The following MYBPC1 variants were observed in gnomAD, a reference collection of about 807,000 sequenced individuals.
The protein encoded by MYBPC1 is myosin-binding protein C, slow-type.
MYBPC1 carries 52 observed loss-of-function variants against 147.1 expected under a neutral mutation model. The observed-to-expected ratio is 0.35, with a 90% CI of 0.28 to 0.45. The LOEUF (loss-of-function observed/expected upper bound fraction) is 0.45. Ranked by LOEUF, MYBPC1 falls within the 20% of genes least tolerant of loss-of-function variation. The pLI is 1.00. For missense variants in MYBPC1, 1,228 were observed against 1,440.3 expected (o/e 0.85, Z 2.39); for synonymous variants, 477 against 475.9 (o/e 1.00, Z -0.03).
intron 6 of MYBPC1, 124 bp from the exon 7 acceptor site, chr12:101,631,447 A>G: frequency 8.8e-7 from 1 of 1,138,778 alleles, no homozygotes; most frequent in Non-Finnish European, 1.3e-6. Flanking sequence ...AATTCATTTC[A>G]CAATTCCGAG....
intron 5 of MYBPC1, among the ~76,000 whole-genome samples, chr12:101,628,729 A>T: frequency 6.6e-6 from 1 of 152,216 alleles, no homozygotes; most frequent in East Asian, 1.9e-4. Flanking sequence ...AAATGAGAAG[A>T]TGCAAAAGAA....
chr12:101,620,440 T>C (rs2135909320), intron 3 of MYBPC1, among the ~76,000 whole-genome samples: 1 of 152,332 alleles, frequency 6.6e-6, no homozygotes, highest in East Asian at 1.9e-4. Flanking sequence ...ATCTGGGCAC[T>C]GGGTCCTGCC....
chr12:101,633,127 A>G (rs1263087867), intron 8 of MYBPC1, among the ~76,000 whole-genome samples: 1 of 152,162 alleles, frequency 6.6e-6, no homozygotes, highest in African/African-American at 2.4e-5. Context: ...CTTATTCTAC[A>G]TTTGGAGTGA....
chr12:101,670,734 C>T (rs543032101), intron 24 of MYBPC1, among the ~76,000 whole-genome samples: 22 of 152,216 alleles, frequency 1.4e-4, no homozygotes, highest in Admixed American at 9.8e-4. Flanking sequence ...TCTTTTGGTC[C>T]TATACGTTTG....
intron 31 of MYBPC1, 35 bp downstream of exon 31, chr12:101,684,459 A>G: frequency 6.7e-7 from 1 of 1,499,954 alleles, no homozygotes; most frequent in South Asian, 1.1e-5. Flanking sequence ...TATGAAGCTT[A>G]TGACTGTCAT....
chr12:101,680,569 G>C, intron 29 of MYBPC1, 40 bp downstream of exon 29: 1 of 1,600,052 alleles, frequency 6.2e-7, no homozygotes, highest in Non-Finnish European at 8.6e-7. Context: ...TAAAGTTAAA[G>C]AAAATCATTG....
chr12:101,595,009 GT>G lies in MYBPC1; in HGVS notation c.-59del, dbSNP rs1876618958. ...GCACCATCTCTCGCCTGCCTGTGGG[GT>G]TTCTGTCAACTAGTCGTGGAGGGAA... On this transcript the variant is annotated 5_prime_UTR_variant, in exon 1 of 32. Coordinates refer to ENST00000361466, the MANE Select transcript of MYBPC1 (RefSeq NM_002465.4). 6 of 1,555,490 alleles carry G rather than the reference GT, an allele frequency of 3.9e-6. No individual in the cohort carries two copies. The highest frequency in any genetic ancestry group is 4.4e-6 in the Non-Finnish European group (5 of 1,127,892).
chr12:101,648,743 GTTTA>G (rs1372816227), intron 14 of MYBPC1, among the ~76,000 whole-genome samples: 1 of 152,152 alleles, frequency 6.6e-6, no homozygotes, highest in African/African-American at 2.4e-5. Context: ...AGAAATAAGA[GTTTA>G]TTTGTTTTGC....
At chr12:101,694,721 T>C in the MYBPC1 span, among the ~76,000 whole-genome samples, 1 of 151,198 alleles carries the variant, frequency 6.6e-6, no homozygotes, top group Admixed American at 6.6e-5. Context: ...CAGTCTACGG[T>C]ATTTTATTAT....
At chr12:101,663,633 T>C in intron 22 of MYBPC1, 73 bp downstream of exon 22, 3 of 1,524,754 alleles carry the variant, frequency 2.0e-6, no homozygotes, top group Non-Finnish European at 2.7e-6. Context: ...TTCTTTTGTC[T>C]CTCTTTCTTG....
chr12:101,688,917 C>A (rs1348622927), downstream of MYBPC1, among the ~76,000 whole-genome samples: 1 of 146,876 alleles, frequency 6.8e-6, no homozygotes, highest in Non-Finnish European at 1.5e-5. Flanking sequence ...CGCACCACTG[C>A]ACTCCCAGCC....
In MYBPC1 at chr12:101,682,652, G is replaced by C. The variant is rs938131814; in HGVS notation, c.3482G>C (p.Gly1161Ala). The change falls in exon 30 of 32, where the codon GGG (glycine) becomes GCG (alanine). Residue 1161 changes from glycine to alanine, a missense_variant. By Grantham distance (60) the Gly-to-Ala change is moderately conservative. This residue lies in a region of MYBPC1 where 1,077 missense variants were observed against 1,314.2 expected (regional missense o/e 0.82). Coordinates refer to ENST00000361466, the MANE Select transcript of MYBPC1 (RefSeq NM_002465.4). ...NTPGQPVFLE[G>A]QQQSLHNKDF Reference sequence around the variant, plus strand: ...CCTGGACAACCAGTCTTCCTGGAGGGGCAGCAACAGGTTTAAAAAGTTTAT... The same window carrying C: ...CCTGGACAACCAGTCTTCCTGGAGGCGCAGCAACAGGTTTAAAAAGTTTAT... The C allele has an allele frequency of 6.2e-7, 1 of 1,612,646 alleles. No homozygotes were observed. The highest frequency in any genetic ancestry group is 1.3e-5 in the African/African-American group (1 of 74,872).
At chr12:101,606,388 C>G (rs886568682) in intron 1 of MYBPC1, among the ~76,000 whole-genome samples, 2 of 152,014 alleles carry the variant, frequency 1.3e-5, no homozygotes, top group South Asian at 4.1e-4. Context: ...TCATTTTGAC[C>G]TGGTAAACTC....
At chr12:101,650,801 C>A in intron 15 of MYBPC1, 2 of 230,804 alleles carry the variant, frequency 8.7e-6, no homozygotes, top group Non-Finnish European at 1.7e-5. Flanking sequence ...TGAAAAAGAC[C>A]TGAGATTTGC....
intron 10 of MYBPC1, among the ~76,000 whole-genome samples, chr12:101,639,045 C>A (rs1891527779): frequency 6.6e-6 from 1 of 152,050 alleles, no homozygotes; most frequent in Non-Finnish European, 1.5e-5. Context: ...TGATTAAAAC[C>A]AACATCTCTG....
At chr12:101,618,854 CGTGTGTGTGT>C (rs35811344) in intron 3 of MYBPC1, among the ~76,000 whole-genome samples, 2,077 of 136,866 alleles carry the variant, frequency 0.015, 87 homozygotes, top group East Asian at 0.14. Flanking sequence ...CAAAAACTGC[CGTGTGTGTGT>C]GTGTGTGTGT....
At chr12:101,636,750 G>C (rs1194433134) in intron 10 of MYBPC1, 22 bp downstream of exon 10, 1 of 1,606,382 alleles carries the variant, frequency 6.2e-7, no homozygotes, top group African/African-American at 1.3e-5. Flanking sequence ...GTGATGGAGT[G>C]AGACATTGTG....
rs536380380 is a variant in MYBPC1, at chr12:101,665,381, C to T, written c.2356+1821C>T. On this transcript the variant is annotated intron_variant, in intron 22 of 31. Coordinates refer to ENST00000361466, the MANE Select transcript of MYBPC1 (RefSeq NM_002465.4). ...GGCTGTTGTCCTCCAGACTAATTTT[C>T]TATAGTGTTTAATGCTTTTAGAGAC... Among the ~76,000 whole-genome samples, 35 of 152,194 alleles carry T rather than the reference C, an allele frequency of 2.3e-4. 1 individual carries two copies. The South Asian group carries it at 7.2e-3, about 31-fold the overall frequency.
chr12:101,601,692 A>G (rs1880036473), intron 1 of MYBPC1, among the ~76,000 whole-genome samples: 1 of 152,146 alleles, frequency 6.6e-6, no homozygotes, highest in African/African-American at 2.4e-5. Flanking sequence ...ACATTTAATA[A>G]TATGTCAAAT....
Sources: gnomAD v4.1 joint callset for allele counts (sites outside exome capture counted in the v4.1 genomes callset) on GRCh38, gnomAD v4.1.1 for gene constraint, gnomAD v4.1.1 regional missense constraint, MANE v1.5 for transcripts, NCBI Gene and HGNC (gene_info 2026-07-23, HGNC 2026-07-21) for gene names.